The following FAM227A variants were observed in gnomAD, a reference collection of about 807,000 sequenced individuals.
FAM227A encodes the protein family with sequence similarity 227 member A.
Under a neutral mutation model 74.7 loss-of-function variants are expected in FAM227A, and 80 were observed. The observed-to-expected ratio is 1.07, with a 90% CI of 0.89 to 1.29. The LOEUF (loss-of-function observed/expected upper bound fraction) is 1.29, where lower values mean the gene tolerates loss of function less well. FAM227A is among the 50% of genes most tolerant of loss of function. FAM227A has a pLI of 0.00. For synonymous variants in FAM227A, 237 were observed against 241.8 expected (o/e 0.98, Z 0.19); for missense variants, 654 against 683.4 (o/e 0.96, Z 0.48).
chr22:38,584,360 AG>A lies in FAM227A; in HGVS notation c.*1764del, dbSNP rs1297074832. 2 of 152,188 alleles carry A rather than the reference AG, an allele frequency of 1.3e-5. No homozygotes were observed. Among genetic ancestry groups the A allele is most frequent in the African/African-American group, 4.8e-5 (2 of 41,436 alleles). 9.4% of individuals were successfully genotyped at this position (152,188 alleles called of 1,614,324 possible). A position where few individuals can be genotyped will look rare whatever the true frequency, so the allele number is the denominator to read the frequency against. ...AACAATATCCATCTTGGGGGACACC[AG>A]GAAGGTTAACTGAGATAATGTCTAA... On this transcript the variant is annotated 3_prime_UTR_variant, in exon 17 of 17. Transcript: ENST00000535113.
At chr22:38,609,008 G>C (rs1057262015) in intron 11 of FAM227A, among the ~76,000 whole-genome samples, 1 of 151,738 alleles carries the variant, frequency 6.6e-6, no homozygotes, top group Non-Finnish European at 1.5e-5. Flanking sequence ...GGCCAGGCTG[G>C]TCTTGAACTC....
At chr22:38,592,297 C>A (rs1311193118) in intron 15 of FAM227A, among the ~76,000 whole-genome samples, 1 of 152,142 alleles carries the variant, frequency 6.6e-6, no homozygotes, top group Non-Finnish European at 1.5e-5. Context: ...CAACTGCTAA[C>A]ACACAGTTAC....
rs577911291 is a variant in FAM227A, at chr22:38,607,328, G to C, written c.1126+61C>G. ...CTGTTCATACGAACCCAAGAAACCA[G>C]GGTTTTGGAGACAATAACTAAGCCA... On this transcript the variant is annotated intron_variant, in intron 12 of 16. Coordinates refer to ENST00000535113, the MANE Select transcript of FAM227A (RefSeq NM_001013647.2). The C allele has an allele frequency of 2.7e-5, 35 of 1,289,852 alleles. No individual in the cohort carries two copies. In the South Asian group the frequency reaches 4.0e-4, roughly 15 times the overall value. The allele number at this position is 1,289,852 out of a possible 1,614,324, so 79.9% of individuals were successfully genotyped here. A position where few individuals can be genotyped will look rare whatever the true frequency, so the allele number is the denominator to read the frequency against.
At chr22:38,607,733 C>T (rs2091316137) in intron 11 of FAM227A, among the ~76,000 whole-genome samples, 3 of 152,192 alleles carry the variant, frequency 2.0e-5, no homozygotes, top group Admixed American at 2.0e-4. Context: ...TCTCACTCAA[C>T]AGCCAGTGAT....
At chr22:38,625,342 T>C (rs1435438920) in intron 9 of FAM227A, among the ~76,000 whole-genome samples, 7 of 150,910 alleles carry the variant, frequency 4.6e-5, no homozygotes, top group African/African-American at 1.7e-4. Flanking sequence ...TGAGCAGAGA[T>C]TGTGCCACTG....
rs148901400 is a variant in FAM227A, at chr22:38,586,913, C to T, written c.1639-714G>A. On this transcript the variant is annotated intron_variant, in intron 16 of 16. Transcript: ENST00000535113. ...CAAGATAGTCTCAATCTCCTGACCTCGTGATCCGCCTGCCTTGGCCTCCCA... is the reference window on the plus strand; with the variant it reads ...CAAGATAGTCTCAATCTCCTGACCTTGTGATCCGCCTGCCTTGGCCTCCCA... 9.0e-3 allele frequency among the ~76,000 whole-genome samples: 1,363 copies of T among 152,030 alleles called. 24 individuals carry two copies. Among genetic ancestry groups the T allele is most frequent in the African/African-American group, 0.031 (1,300 of 41,480 alleles).
intron 3 of FAM227A, among the ~76,000 whole-genome samples, chr22:38,641,817 A>G (rs2092120733): frequency 6.6e-6 from 1 of 152,110 alleles, no homozygotes; most frequent in African/African-American, 2.4e-5. Flanking sequence ...AAACAAATAC[A>G]CGACATTGCC....
At chr22:38,599,654 T>C in intron 14 of FAM227A, 110 bp downstream of exon 14, 1 of 984,444 alleles carries the variant, frequency 1.0e-6, no homozygotes, top group Non-Finnish European at 1.4e-6. Context: ...GTACACATGG[T>C]GTGCCAGGCG....
chr22:38,652,986 G>C (rs1354025169), intron 1 of FAM227A, among the ~76,000 whole-genome samples: 1 of 152,080 alleles, frequency 6.6e-6, no homozygotes, highest in East Asian at 1.9e-4. Flanking sequence ...GATGGGTGTA[G>C]GTCTGTGGCC....
At chr22:38,649,878 AAGAAAGAAAAG>A (rs985055487) in intron 2 of FAM227A, 138 bp downstream of exon 2, 68 of 566,474 alleles carry the variant, frequency 1.2e-4, no homozygotes, top group African/African-American at 5.8e-4. Context: ...AAAAAAAAAA[AAGAAAGAAAAG>A]AAAAGAAAAA....
At chr22:38,603,445 AC>A (rs1352613913) in intron 13 of FAM227A, among the ~76,000 whole-genome samples, 2 of 149,852 alleles carry the variant, frequency 1.3e-5, no homozygotes, top group Non-Finnish European at 3.0e-5. Context: ...CCAAGATCGC[AC>A]CACTGCACTC....
At chr22:38,641,361 C>G (rs147734140) in intron 3 of FAM227A, among the ~76,000 whole-genome samples, 86 of 151,996 alleles carry the variant, frequency 5.7e-4, no homozygotes, top group Non-Finnish European at 9.9e-4. Flanking sequence ...TGCATTGGGT[C>G]CTGAATTTTT....
Position 38,592,472 on chromosome 22 carries a change from G to A in FAM227A, c.1533-932C>T, listed in dbSNP as rs147115419. On this transcript the variant is annotated intron_variant, in intron 15 of 16. Transcript: ENST00000535113. ...TTAAACTAGTTCTGAACTTTAAAAC[G>A]TTCTGGCCATGGAATGGAAGGGTTA... 4.6e-5 allele frequency among the ~76,000 whole-genome samples: 7 copies of A among 152,158 alleles called. No individual in the cohort carries two copies. In the South Asian group the frequency reaches 8.3e-4, roughly 18 times the overall value.
chr22:38,596,002 A>G (rs1293558800), intron 15 of FAM227A, among the ~76,000 whole-genome samples: 1 of 151,960 alleles, frequency 6.6e-6, no homozygotes, highest in Non-Finnish European at 1.5e-5. Flanking sequence ...TTATAGATTC[A>G]AAGACACCAA....
chr22:38,612,574 C>T (rs182543609), intron 11 of FAM227A, among the ~76,000 whole-genome samples: 30 of 151,886 alleles, frequency 2.0e-4, no homozygotes, highest in African/African-American at 7.2e-4. Context: ...TGAAACCCAT[C>T]CCCAAGGTAA....
intron 11 of FAM227A, among the ~76,000 whole-genome samples, chr22:38,617,419 C>T (rs928971521): frequency 6.6e-6 from 1 of 151,768 alleles, no homozygotes; most frequent in Non-Finnish European, 1.5e-5. Flanking sequence ...CCTCAGTCTC[C>T]CGAGTAGCTG....
intron 11 of FAM227A, among the ~76,000 whole-genome samples, chr22:38,618,100 T>C (rs2091615378): frequency 6.6e-6 from 1 of 152,200 alleles, no homozygotes; most frequent in Non-Finnish European, 1.5e-5. Context: ...AAGCTGACCC[T>C]GAGGATGAGA....
chr22:38,652,704 G>A (rs1271402452), intron 1 of FAM227A, among the ~76,000 whole-genome samples: 2 of 151,048 alleles, frequency 1.3e-5, no homozygotes, highest in African/African-American at 2.4e-5. Context: ...GGCTAACATG[G>A]TGAAACTCCG....
intron 12 of FAM227A, among the ~76,000 whole-genome samples, chr22:38,605,564 A>T (rs1466689755): frequency 1.3e-5 from 2 of 152,238 alleles, no homozygotes; most frequent in African/African-American, 4.8e-5. Context: ...TGCTGAGATT[A>T]CAGGCATGAG....
Sources: allele counts gnomAD v4.1 joint callset (sites outside exome capture counted in the v4.1 genomes callset), GRCh38; gene constraint gnomAD v4.1.1; transcripts MANE v1.5; gene names NCBI Gene and HGNC (gene_info 2026-07-23, HGNC 2026-07-21).